Variants in STRN3 observed in about 807,000 individuals in gnomAD.
STRN3 encodes the protein striatin 3.
In STRN3, 29 loss-of-function variants were observed where a neutral mutation model predicts 95.6. The observed-to-expected ratio is 0.30, with a 90% CI of 0.23 to 0.41. The LOEUF is 0.41. Among genes scored for constraint, STRN3 ranks in the 10% least tolerant of loss-of-function variants. The probability of loss-of-function intolerance (pLI) is 1.00; values close to 1 mark genes in which losing one functional copy is unlikely to be tolerated. For synonymous variants in STRN3, 331 were observed against 357.6 expected (o/e 0.93, Z 0.84); for missense variants, 890 against 972.1 (o/e 0.92, Z 1.12).
At chr14:30,938,112 A>G (rs1434950436) in intron 5 of STRN3, among the ~76,000 whole-genome samples, 3 of 151,348 alleles carry the variant, frequency 2.0e-5, no homozygotes, top group African/African-American at 7.3e-5. Context: ...TTTTTTTTCA[A>G]TGTGGTATTT....
At chr14:30,966,376 C>T (rs147400853) in intron 1 of STRN3, among the ~76,000 whole-genome samples, 6 of 152,186 alleles carry the variant, frequency 3.9e-5, no homozygotes, top group East Asian at 1.9e-4. Flanking sequence ...TTTGTGGCAC[C>T]GAAACTTTAC....
At chr14:30,992,890 A>G (rs1023193569) in intron 1 of STRN3, among the ~76,000 whole-genome samples, 28 of 151,640 alleles carry the variant, frequency 1.8e-4, no homozygotes, top group African/African-American at 5.8e-4. Flanking sequence ...GGGTCTTACT[A>G]TGTTGCCTAG....
rs1896616867 is a variant in STRN3 at position 30,911,812 on chromosome 14, T to A, written c.1563A>T (p.Leu521Phe). ...KTVPAKKSAS[L>F]DVEPIYTFRA... is the part of the protein sequence containing the mutation. ...TAAATGTGTAGATAGGCTCTACATCTAAAGAGGCACTCCTAAAAGAGGGGG... is the reference window on the plus strand; with the variant it reads ...TAAATGTGTAGATAGGCTCTACATCAAAAGAGGCACTCCTAAAAGAGGGGG... The change falls in exon 12 of 18, where the codon TTA (leucine) becomes TTT (phenylalanine). Residue 521 changes from leucine (L) to phenylalanine (F), a missense_variant. Physicochemically the swap from Leu to Phe is conservative, Grantham distance 22. Transcript: ENST00000357479. 6.2e-7 allele frequency: 1 copy of A among 1,607,342 alleles called. No homozygotes were observed. Among genetic ancestry groups the A allele is most frequent in the Admixed American group, 1.7e-5 (1 of 58,662 alleles).
intron 1 of STRN3, among the ~76,000 whole-genome samples, chr14:30,986,865 A>C (rs1165116647): frequency 1.3e-5 from 2 of 152,234 alleles, no homozygotes; most frequent in Non-Finnish European, 1.5e-5. Context: ...GGTGAATTTC[A>C]TCTCTCACAC....
At chr14:30,981,607 C>CACACACACACA (rs1555323903) in intron 1 of STRN3, among the ~76,000 whole-genome samples, 5 of 149,920 alleles carry the variant, frequency 3.3e-5, no homozygotes, top group Admixed American at 2.0e-4. Flanking sequence ...CACACACACA[C>CACACACACACA]CCCATAATTC....
At chr14:30,951,740 A>C (rs1459686852) in intron 3 of STRN3, among the ~76,000 whole-genome samples, 4 of 152,180 alleles carry the variant, frequency 2.6e-5, no homozygotes, top group Non-Finnish European at 4.4e-5. Flanking sequence ...TGGAACTAAA[A>C]TTAAACCAGA....
intron 1 of STRN3, among the ~76,000 whole-genome samples, chr14:31,021,063 G>T (rs185617038): frequency 5.2e-4 from 79 of 152,288 alleles, no homozygotes; most frequent in Middle Eastern, 3.4e-3. Context: ...TACGCAGGGG[G>T]AAGGTTCAAT....
chr14:30,970,499 C>G (rs1360293946), intron 1 of STRN3, among the ~76,000 whole-genome samples: 1 of 152,208 alleles, frequency 6.6e-6, no homozygotes, highest in Non-Finnish European at 1.5e-5. Context: ...CCTATACAGG[C>G]TATTATTTCA....
chr14:30,911,741 ATGATG>A, intron 12 of STRN3, 31 bp downstream of exon 12: 1 of 1,540,842 alleles, frequency 6.5e-7, no homozygotes, highest in South Asian at 1.2e-5. Context: ...AACAATAATG[ATGATG>A]TTAATTAAAT....
At chr14:30,926,928 A>T (rs1409144263) in intron 8 of STRN3, among the ~76,000 whole-genome samples, 2 of 152,174 alleles carry the variant, frequency 1.3e-5, no homozygotes, top group African/African-American at 4.8e-5. Context: ...TATATAAAGG[A>T]ATTATTTGTT....
intron 8 of STRN3, among the ~76,000 whole-genome samples, chr14:30,927,122 A>G (rs1008752356): frequency 6.6e-6 from 1 of 152,144 alleles, no homozygotes; most frequent in Non-Finnish European, 1.5e-5. Context: ...TGGGCAATAC[A>G]GAGAAACCCC....
chr14:30,911,531 G>GAGGTAGTTGAGGT (rs1324848209), intron 12 of STRN3, among the ~76,000 whole-genome samples: 5 of 152,082 alleles, frequency 3.3e-5, no homozygotes, highest in African/African-American at 9.6e-5. Context: ...TCGAACTCCT[G>GAGGTAGTTGAGGT]ACCTCAAGTG....
At chr14:30,932,464 A>C (rs1878588154) in intron 7 of STRN3, 2 of 2,600 alleles carry the variant, frequency 7.7e-4, no homozygotes. Flanking sequence ...GACAGTTTTC[A>C]TTTCTTACAA....
At chr14:30,986,374 T>C (rs6571379) in intron 1 of STRN3, among the ~76,000 whole-genome samples, 152,118 of 152,362 alleles carry the variant, frequency 1, 75,942 homozygotes, top group Middle Eastern at 1. Context: ...GGACAGTCCA[T>C]GTTTTACTTA....
intron 1 of STRN3, among the ~76,000 whole-genome samples, chr14:30,975,010 G>A (rs1881020966): frequency 6.6e-6 from 1 of 150,448 alleles, no homozygotes; most frequent in South Asian, 2.1e-4. Flanking sequence ...TGCCTGTGAA[G>A]CAATATAATA....
intron 4 of STRN3, among the ~76,000 whole-genome samples, 199 bp downstream of exon 4, chr14:30,950,664 C>A (rs1879593438): frequency 3.3e-5 from 5 of 152,060 alleles, no homozygotes; most frequent in Admixed American, 3.3e-4. Flanking sequence ...TTCTACCCTG[C>A]AAGTAAGAAG....
At position 30,906,947 on chromosome 14, in the gene STRN3, T is replaced by C. The variant is rs1896477038; in HGVS notation, c.1818A>G (p.Ala606=). ...GATTCCATAACCTAACAGTGCCATC[T>C]GCTGAACAAGACAGTAATTGATTTT... The part of the protein sequence containing the change: ...GIKNQLLSCS[A]DGTVRLWNPQ... Residue 606 remains alanine, a synonymous_variant, in exon 14 of 18, where the codon GCA becomes GCG. Transcript: ENST00000357479. 1.2e-6 allele frequency: 2 copies of C among 1,614,010 alleles called. No homozygotes were observed. The highest frequency in any genetic ancestry group is 1.7e-6 in the Non-Finnish European group (2 of 1,179,916).
chr14:30,944,462 T>C (rs999170016), intron 5 of STRN3, among the ~76,000 whole-genome samples: 6 of 149,704 alleles, frequency 4.0e-5, no homozygotes, highest in Non-Finnish European at 1.5e-5. Flanking sequence ...TACACACATA[T>C]GTATATGTGT....
chr14:30,992,966 A>G (rs1370507008), intron 1 of STRN3, among the ~76,000 whole-genome samples: 1 of 152,222 alleles, frequency 6.6e-6, no homozygotes, highest in Admixed American at 6.5e-5. Context: ...GCTAGGACAT[A>G]GGTGGGTGTG....
Sources: allele counts gnomAD v4.1 joint callset (sites outside exome capture counted in the v4.1 genomes callset), GRCh38; gene constraint gnomAD v4.1.1; transcripts MANE v1.5; gene names NCBI Gene and HGNC (gene_info 2026-07-23, HGNC 2026-07-21).